Variants in PCDH15 observed in about 807,000 individuals in gnomAD.
PCDH15 encodes protocadherin-15.
PCDH15 carries 129 observed loss-of-function variants against 178.5 expected under a neutral mutation model. The observed-to-expected ratio is 0.72, with a 90% CI of 0.63 to 0.84. The LOEUF (loss-of-function observed/expected upper bound fraction) is 0.84. Among genes scored for constraint, PCDH15 ranks in the 40% least tolerant of loss-of-function variants. The pLI, the probability that PCDH15 is intolerant of heterozygous loss-of-function variation, is 0.00. For synonymous variants in PCDH15, 800 were observed against 732.0 expected (o/e 1.09, Z -1.50); for missense variants, 2,230 against 2,099.9 (o/e 1.06, Z -1.21).
chr10:54,541,178 GAGAA>G (rs2085177562), intron 2 of PCDH15, among the ~76,000 whole-genome samples: 1 of 152,022 alleles, frequency 6.6e-6, no homozygotes, highest in Admixed American at 6.6e-5. Context: ...ATTCAGGCAA[GAGAA>G]AGAAAGAAAA....
At chr10:54,441,689 G>A (rs746207525) in intron 3 of PCDH15, among the ~76,000 whole-genome samples, 7 of 151,856 alleles carry the variant, frequency 4.6e-5, no homozygotes, top group South Asian at 4.1e-4. Context: ...ATAGAAATCC[G>A]TAGCTTAACA....
chr10:54,758,350 C>A (rs1324119846), intron 1 of PCDH15, among the ~76,000 whole-genome samples: 1 of 152,130 alleles, frequency 6.6e-6, no homozygotes, highest in African/African-American at 2.4e-5. Context: ...AGGCTGCAGA[C>A]CCCAGCCAGC....
At chr10:54,829,603 AT>A (rs1953188920) in intron 3 of PCDH15, among the ~76,000 whole-genome samples, 1 of 152,016 alleles carries the variant, frequency 6.6e-6, no homozygotes, top group African/African-American at 2.4e-5. Flanking sequence ...GCCCAAATTA[AT>A]TTTTTGTGCT....
chr10:54,395,610 C>A (rs1951109539), intron 3 of PCDH15, among the ~76,000 whole-genome samples: 1 of 151,264 alleles, frequency 6.6e-6, no homozygotes, highest in Admixed American at 6.6e-5. Context: ...GTCACAGTTT[C>A]CAAGAACCTA....
chr10:53,827,046 A>G (rs1254244047), intron 32 of PCDH15, among the ~76,000 whole-genome samples: 2 of 151,526 alleles, frequency 1.3e-5, no homozygotes, highest in African/African-American at 4.8e-5. Flanking sequence ...TTCAGAATCT[A>G]TTTATATATT....
At chr10:54,428,548 G>A (rs1460962183) in intron 3 of PCDH15, among the ~76,000 whole-genome samples, 6 of 152,110 alleles carry the variant, frequency 3.9e-5, no homozygotes, top group African/African-American at 9.7e-5. Flanking sequence ...TAAGCATGTC[G>A]GTATGCACAG....
chr10:54,476,315 G>C (rs2078268261), intron 3 of PCDH15, among the ~76,000 whole-genome samples: 1 of 151,912 alleles, frequency 6.6e-6, no homozygotes, highest in Non-Finnish European at 1.5e-5. Flanking sequence ...TAAATAGAAA[G>C]TACCATGACT....
chr10:54,443,427 T>A (rs888138129), intron 3 of PCDH15, among the ~76,000 whole-genome samples: 4 of 151,410 alleles, frequency 2.6e-5, no homozygotes, highest in African/African-American at 9.7e-5. Flanking sequence ...AACATCTATG[T>A]GCCAGAAAAT....
intron 13 of PCDH15, among the ~76,000 whole-genome samples, chr10:54,174,314 C>T (rs1274345265): frequency 3.3e-5 from 5 of 151,844 alleles, no homozygotes; most frequent in African/African-American, 1.2e-4. Flanking sequence ...AGGCAGATCA[C>T]GAGGTCAGGA....
intron 32 of PCDH15, among the ~76,000 whole-genome samples, chr10:53,825,569 A>G (rs1481916020): frequency 1.1e-4 from 16 of 151,656 alleles, no homozygotes. Flanking sequence ...TAAATATACA[A>G]CTACTATGAT....
chr10:55,527,313 A>G (rs190587342), intron 2 of PCDH15, among the ~76,000 whole-genome samples: 2 of 152,160 alleles, frequency 1.3e-5, no homozygotes, highest in East Asian at 3.9e-4. Flanking sequence ...TGAAGGCTGT[A>G]AGGAAGAATT....
chr10:55,061,763 G>C (rs1305844119), intron 2 of PCDH15, among the ~76,000 whole-genome samples: 1 of 152,184 alleles, frequency 6.6e-6, no homozygotes, highest in Non-Finnish European at 1.5e-5. Flanking sequence ...GCTTACGCCT[G>C]TAATCCCAGG....
At chr10:54,732,453 C>G (rs1016251488) in intron 1 of PCDH15, among the ~76,000 whole-genome samples, 3 of 151,326 alleles carry the variant, frequency 2.0e-5, no homozygotes, top group Non-Finnish European at 4.4e-5. Context: ...ATAAAATGGA[C>G]CAGTTTCCTT....
At chr10:54,821,091 T>A (rs535013534) in intron 3 of PCDH15, among the ~76,000 whole-genome samples, 71 of 152,076 alleles carry the variant, frequency 4.7e-4, no homozygotes, top group African/African-American at 1.6e-3. Context: ...AGAAAAAAAA[T>A]TTTTAACAAT....
At chr10:54,240,189 T>G (rs568239323) in intron 8 of PCDH15, among the ~76,000 whole-genome samples, 1 of 152,120 alleles carries the variant, frequency 6.6e-6, no homozygotes, top group African/African-American at 2.4e-5. Flanking sequence ...ATTGAAATGG[T>G]TCCTTAGAAT....
At chr10:54,674,412 T>A (rs935980221) in intron 1 of PCDH15, among the ~76,000 whole-genome samples, 1 of 152,124 alleles carries the variant, frequency 6.6e-6, no homozygotes, top group Admixed American at 6.6e-5. Context: ...ATGAAAATCA[T>A]GTATGAAATG....
intron 3 of PCDH15, among the ~76,000 whole-genome samples, chr10:54,446,109 A>G (rs193294591): frequency 6.6e-6 from 1 of 151,602 alleles, no homozygotes; most frequent in Admixed American, 6.6e-5. Flanking sequence ...TTCTCCTCTG[A>G]TTCTTCTTAG....
chr10:55,152,614 G>A (rs1042364516), intron 2 of PCDH15, among the ~76,000 whole-genome samples: 1 of 152,134 alleles, frequency 6.6e-6, no homozygotes, highest in Non-Finnish European at 1.5e-5. Flanking sequence ...AGGATGATCT[G>A]AAAGCTAGAA....
At chr10:54,101,005 G>A (rs1443787290) in intron 15 of PCDH15, among the ~76,000 whole-genome samples, 1 of 152,112 alleles carries the variant, frequency 6.6e-6, no homozygotes, top group Non-Finnish European at 1.5e-5. Flanking sequence ...TGGTTGATAT[G>A]GCTTGTCTGT....
Sources: gnomAD v4.1 joint callset for allele counts (sites outside exome capture counted in the v4.1 genomes callset) on GRCh38, gnomAD v4.1.1 for gene constraint, MANE v1.5 for transcripts, NCBI Gene and HGNC (gene_info 2026-07-23, HGNC 2026-07-21) for gene names.